GALNT10: variants seen among roughly 807,000 people sequenced by gnomAD.
GALNT10 encodes polypeptide N-acetylgalactosaminyltransferase 10, also known as GalNAc transferase 10.
GALNT10 carries 41 observed loss-of-function variants against 75.0 expected under a neutral mutation model. The observed-to-expected ratio is 0.55, with a 90% CI of 0.43 to 0.71. GALNT10 has a LOEUF of 0.71. GALNT10 is among the 30% of genes least tolerant of loss of function. The pLI is 0.00. For synonymous variants in GALNT10, 302 were observed against 313.0 expected (o/e 0.96, Z 0.37); for missense variants, 727 against 818.5 (o/e 0.89, Z 1.36).
chr5:154,277,898 G>A (rs994228458), intron 1 of GALNT10, among the ~76,000 whole-genome samples: 3 of 152,152 alleles, frequency 2.0e-5, no homozygotes, highest in Non-Finnish European at 2.9e-5. Context: ...AGCAGTTTTT[G>A]AAATGAAAGG....
intron 8 of GALNT10, among the ~76,000 whole-genome samples, chr5:154,407,868 C>T (rs1299896030): frequency 6.6e-6 from 1 of 152,162 alleles, no homozygotes; most frequent in Non-Finnish European, 1.5e-5. Context: ...TCAGCTGTTT[C>T]CTGGTCCCCA....
At chr5:154,347,210 G>GTTT in intron 4 of GALNT10, 1 of 478,408 alleles carries the variant, frequency 2.1e-6, no homozygotes, top group Non-Finnish European at 4.1e-6. Context: ...CAACCTCACA[G>GTTT]GACTCAGTGA....
intron 3 of GALNT10, among the ~76,000 whole-genome samples, chr5:154,306,644 C>G (rs1581965538): frequency 6.6e-6 from 1 of 151,786 alleles, no homozygotes; most frequent in East Asian, 1.9e-4. Context: ...AAATTAATCA[C>G]AGTAAACAGA....
chr5:154,317,603 G>T (rs886474109), intron 3 of GALNT10, among the ~76,000 whole-genome samples: 1 of 152,170 alleles, frequency 6.6e-6, no homozygotes, highest in South Asian at 2.1e-4. Context: ...TCAGATCAGA[G>T]GTAAAGTCTG....
chr5:154,350,896 C>A (rs569338257), intron 4 of GALNT10, among the ~76,000 whole-genome samples: 1 of 152,286 alleles, frequency 6.6e-6, no homozygotes, highest in Admixed American at 6.5e-5. Flanking sequence ...ACCAGAATCA[C>A]CAGGAGGGCT....
chr5:154,224,794 T>TTTTTTG (rs1157177745), intron 1 of GALNT10, among the ~76,000 whole-genome samples: 1 of 149,952 alleles, frequency 6.7e-6, no homozygotes, highest in Admixed American at 6.6e-5. Flanking sequence ...TTTTTTTTTT[T>TTTTTTG]TTTTGAGATG....
intron 7 of GALNT10, among the ~76,000 whole-genome samples, chr5:154,397,939 C>T (rs778103426): frequency 6.6e-6 from 1 of 152,246 alleles, no homozygotes; most frequent in East Asian, 1.9e-4. Flanking sequence ...CATCACCACT[C>T]GTTTCTTTCC....
At chr5:154,213,119 T>C (rs940046036) in intron 1 of GALNT10, among the ~76,000 whole-genome samples, 1 of 152,200 alleles carries the variant, frequency 6.6e-6, no homozygotes, top group Non-Finnish European at 1.5e-5. Context: ...TTCAATGTTC[T>C]CAGCACAGTG....
chr5:154,357,908 A>T (rs1755321001), intron 4 of GALNT10, among the ~76,000 whole-genome samples: 1 of 152,156 alleles, frequency 6.6e-6, no homozygotes, highest in Admixed American at 6.5e-5. Context: ...TCTTCATGGG[A>T]AGGGTTTAGG....
At chr5:154,243,582 C>T (rs1753373229) in intron 1 of GALNT10, among the ~76,000 whole-genome samples, 1 of 146,042 alleles carries the variant, frequency 6.8e-6, no homozygotes. Context: ...ATTATTTAAC[C>T]ACTCTGTGTC....
At chr5:154,227,375 G>A (rs1753080123) in intron 1 of GALNT10, among the ~76,000 whole-genome samples, 1 of 152,008 alleles carries the variant, frequency 6.6e-6, no homozygotes, top group Non-Finnish European at 1.5e-5. Context: ...ATCTTAACGT[G>A]GTTTTAATCT....
chr5:154,327,580 A>G (rs1292246734), intron 3 of GALNT10, among the ~76,000 whole-genome samples: 1 of 152,218 alleles, frequency 6.6e-6, no homozygotes, highest in East Asian at 1.9e-4. Flanking sequence ...CACATTAATT[A>G]TGTTTCCATT....
chr5:154,194,444 T>C (rs1407463843), intron 1 of GALNT10, among the ~76,000 whole-genome samples: 1 of 152,216 alleles, frequency 6.6e-6, no homozygotes, highest in African/African-American at 2.4e-5. Context: ...TCTGTCTGCA[T>C]GCCCAGGTGA....
chr5:154,242,209 C>T (rs1561638354), intron 1 of GALNT10, among the ~76,000 whole-genome samples: 1 of 152,168 alleles, frequency 6.6e-6, no homozygotes, highest in South Asian at 2.1e-4. Flanking sequence ...CAGTCTAATT[C>T]GATGAGTCTT....
intron 3 of GALNT10, among the ~76,000 whole-genome samples, chr5:154,327,311 A>G (rs996313680): frequency 1.3e-5 from 2 of 152,246 alleles, no homozygotes; most frequent in African/African-American, 2.4e-5. Flanking sequence ...CTTAGTGCTC[A>G]TGTTGCAGCA....
intron 3 of GALNT10, among the ~76,000 whole-genome samples, chr5:154,308,611 A>G (rs957775936): frequency 6.6e-6 from 1 of 152,184 alleles, no homozygotes; most frequent in African/African-American, 2.4e-5. Context: ...CCTGCTTTGC[A>G]TGCCCACCCA....
chr5:154,356,160 G>A (rs1054570421), intron 4 of GALNT10: 16 of 456,134 alleles, frequency 3.5e-5, no homozygotes, highest in Admixed American at 1.2e-4. Flanking sequence ...CAGATCTGCC[G>A]ACTGCATCAA....
rs557766948 is a variant in GALNT10, at chr5:154,282,329, C to G, written c.160-12487C>G. 2.0e-5 allele frequency among the ~76,000 whole-genome samples: 3 copies of G among 152,328 alleles called. No individual in the cohort carries two copies. In the South Asian group the frequency reaches 6.2e-4, roughly 32 times the overall value. On this transcript the variant is annotated intron_variant, in intron 1 of 11. Transcript: ENST00000297107. Reference sequence around the variant, plus strand: ...GGGGATTCAGTTTCCAACACACAAACTTTGGGGATCATGCTCAAACCATAG... The same window carrying G: ...GGGGATTCAGTTTCCAACACACAAAGTTTGGGGATCATGCTCAAACCATAG...
chr5:154,373,003 G>A (rs1755598575), intron 4 of GALNT10, among the ~76,000 whole-genome samples: 1 of 152,174 alleles, frequency 6.6e-6, no homozygotes, highest in Admixed American at 6.5e-5. Flanking sequence ...ACAGTTCTGT[G>A]CTGTTTACAA....
Sources: gnomAD v4.1 joint callset for allele counts (sites outside exome capture counted in the v4.1 genomes callset) on GRCh38, gnomAD v4.1.1 for gene constraint, MANE v1.5 for transcripts, NCBI Gene and HGNC (gene_info 2026-07-23, HGNC 2026-07-21) for gene names.